The following MAN2A1 variants were observed in gnomAD, a reference collection of about 807,000 sequenced individuals.
MAN2A1 encodes mannosidase alpha class 2A member 1.
Under a neutral mutation model 142.6 loss-of-function variants are expected in MAN2A1, and 76 were observed. The observed-to-expected ratio is 0.53, with a 90% CI of 0.44 to 0.65. MAN2A1 has a LOEUF of 0.65. Ranked by LOEUF, MAN2A1 falls within the 30% of genes least tolerant of loss-of-function variation. The pLI is 0.00. For missense variants in MAN2A1, 1,311 were observed against 1,365.1 expected (o/e 0.96, Z 0.62); for synonymous variants, 559 against 473.2 (o/e 1.18, Z -2.35).
intron 3 of MAN2A1, among the ~76,000 whole-genome samples, chr5:109,723,913 T>C (rs1459791533): frequency 3.3e-5 from 5 of 152,208 alleles, no homozygotes; most frequent in African/African-American, 1.2e-4. Flanking sequence ...CCATGGCATT[T>C]TATTCATATT....
intron 16 of MAN2A1, among the ~76,000 whole-genome samples, chr5:109,824,177 A>G (rs1754701325): frequency 6.6e-6 from 1 of 152,228 alleles, no homozygotes; most frequent in South Asian, 2.1e-4. Flanking sequence ...ACTTTCAGTT[A>G]ATAGACCACA....
At chr5:109,708,976 T>A (rs1751219092) in intron 1 of MAN2A1, among the ~76,000 whole-genome samples, 1 of 152,180 alleles carries the variant, frequency 6.6e-6, no homozygotes, top group South Asian at 2.1e-4. Flanking sequence ...CAGATACACC[T>A]GGGGCAGCTC....
Position 109,846,500 on chromosome 5 carries a change from CA to C in MAN2A1, c.2842+498del, listed in dbSNP as rs1281233864. On this transcript the variant is annotated intron_variant, in intron 18 of 21. Coordinates refer to ENST00000261483, the MANE Select transcript of MAN2A1 (RefSeq NM_002372.4). ...TAAAGAGGTGTGGCTTTGAGGATTC[CA>C]AAAGAGAGAAAGTGATGCGCAGAAA... Among the ~76,000 whole-genome samples the C allele has an allele frequency of 2.6e-5, 4 of 151,944 alleles. No individual in the cohort carries two copies. The East Asian group carries it at 7.7e-4, about 29-fold the overall frequency.
At chr5:109,779,531 C>T (rs1018275204) in intron 8 of MAN2A1, among the ~76,000 whole-genome samples, 8 of 150,210 alleles carry the variant, frequency 5.3e-5, no homozygotes, top group African/African-American at 1.2e-4. Context: ...CTATTCGTGA[C>T]TCATTTCTTT....
rs556807914 is a variant in MAN2A1, at chr5:109,739,555, T to G, written c.707+10042T>G. On this transcript the variant is annotated intron_variant, in intron 4 of 21. Coordinates refer to ENST00000261483, the MANE Select transcript of MAN2A1 (RefSeq NM_002372.4). ...TGAGTCTTTTCTGGCTTTGAGTATTTGGTTCTAACTTTACTTCTGTGCTTT... is the reference window on the plus strand; with the variant it reads ...TGAGTCTTTTCTGGCTTTGAGTATTGGGTTCTAACTTTACTTCTGTGCTTT... 6.6e-5 allele frequency among the ~76,000 whole-genome samples: 10 copies of G among 152,324 alleles called. No homozygotes were observed. The East Asian group carries it at 1.9e-3, about 29-fold the overall frequency.
At chr5:109,820,982 G>C (rs1754607731) in intron 15 of MAN2A1, among the ~76,000 whole-genome samples, 1 of 152,088 alleles carries the variant, frequency 6.6e-6, no homozygotes, top group South Asian at 2.1e-4. Flanking sequence ...TTTTCCACTG[G>C]ACCATTTTTC....
At chr5:109,693,095 G>A (rs1582791427) in intron 1 of MAN2A1, among the ~76,000 whole-genome samples, 2 of 152,134 alleles carry the variant, frequency 1.3e-5, no homozygotes, top group African/African-American at 4.8e-5. Context: ...GTTGCTCTCT[G>A]GTACCTTAGC....
chr5:109,774,675 T>G (rs1488943452), intron 7 of MAN2A1, 113 bp from the exon 8 acceptor site: 2 of 758,380 alleles, frequency 2.6e-6, no homozygotes, highest in Non-Finnish European at 4.2e-6. Flanking sequence ...TACAGTTTCT[T>G]TTAATAAAAT....
chr5:109,799,470 G>T (rs923804828), intron 12 of MAN2A1, among the ~76,000 whole-genome samples: 10 of 152,148 alleles, frequency 6.6e-5, no homozygotes, highest in South Asian at 2.1e-4. Flanking sequence ...AAACAAAAAA[G>T]CAGGCCAGGC....
At chr5:109,850,240 G>C (rs1755451029) in intron 19 of MAN2A1, among the ~76,000 whole-genome samples, 1 of 152,152 alleles carries the variant, frequency 6.6e-6, no homozygotes, top group African/African-American at 2.4e-5. Context: ...GAAATGCATA[G>C]ATGAATGAGC....
intron 20 of MAN2A1, among the ~76,000 whole-genome samples, chr5:109,859,954 A>G (rs1327685889): frequency 1.3e-5 from 2 of 150,374 alleles, no homozygotes; most frequent in Non-Finnish European, 2.9e-5. Context: ...ATATATATAT[A>G]TATCTTAACT....
chr5:109,816,068 A>G (rs1232347584), intron 12 of MAN2A1, among the ~76,000 whole-genome samples: 1 of 152,222 alleles, frequency 6.6e-6, no homozygotes, highest in Non-Finnish European at 1.5e-5. Context: ...GTGATGGTCT[A>G]GAACGTCTCT....
At position 109,755,469 on chromosome 5, in the gene MAN2A1, A is replaced by T. The variant is rs542014884; in HGVS notation, c.835+13A>T. On this transcript the variant is annotated intron_variant, in intron 5 of 21. Coordinates refer to ENST00000261483, the MANE Select transcript of MAN2A1 (RefSeq NM_002372.4). ...GAAAATAATATAGGTATGTATTGGTATATTCTTTATTTGGGCTATTTTGGA... is the reference window on the plus strand; with the variant it reads ...GAAAATAATATAGGTATGTATTGGTTTATTCTTTATTTGGGCTATTTTGGA... The T allele has an allele frequency of 3.7e-6, 6 of 1,602,656 alleles. No homozygotes were observed. The highest frequency in any genetic ancestry group is 5.1e-6 in the Non-Finnish European group (6 of 1,173,466).
intron 1 of MAN2A1, among the ~76,000 whole-genome samples, chr5:109,693,040 A>T (rs1261759095): frequency 6.6e-6 from 1 of 152,142 alleles, no homozygotes; most frequent in South Asian, 2.1e-4. Flanking sequence ...CCTGGTTCCT[A>T]ACAGGTCCAT....
intron 5 of MAN2A1, among the ~76,000 whole-genome samples, chr5:109,757,458 C>T (rs1053047883): frequency 3.3e-5 from 5 of 152,116 alleles, no homozygotes; most frequent in Non-Finnish European, 5.9e-5. Flanking sequence ...GCCAACTGCT[C>T]TTTGATTTCT....
At chr5:109,846,659 T>C (rs1755351572) in intron 18 of MAN2A1, among the ~76,000 whole-genome samples, 1 of 152,066 alleles carries the variant, frequency 6.6e-6, no homozygotes, top group South Asian at 2.1e-4. Context: ...ATTCTAAGAG[T>C]TGGTAGAGAT....
intron 4 of MAN2A1, among the ~76,000 whole-genome samples, chr5:109,740,229 C>G (rs1373918153): frequency 6.6e-6 from 1 of 152,170 alleles, no homozygotes; most frequent in Admixed American, 6.5e-5. Flanking sequence ...ATATGAGAAT[C>G]AGGGATCAGC....
chr5:109,842,547 CT>C, intron 17 of MAN2A1, 86 bp downstream of exon 17: 1 of 859,654 alleles, frequency 1.2e-6, no homozygotes, highest in African/African-American at 1.7e-5. Context: ...ATTTTGGATC[CT>C]TTGAAAAAGT....
chr5:109,755,625 C>T (rs1752668550), intron 5 of MAN2A1, among the ~76,000 whole-genome samples, 169 bp downstream of exon 5: 1 of 152,088 alleles, frequency 6.6e-6, no homozygotes, highest in Non-Finnish European at 1.5e-5. Flanking sequence ...AACTGAGTTA[C>T]AGAGATTTAC....
Sources: gnomAD v4.1 joint callset for allele counts (sites outside exome capture counted in the v4.1 genomes callset) on GRCh38, gnomAD v4.1.1 for gene constraint, MANE v1.5 for transcripts, NCBI Gene and HGNC (gene_info 2026-07-23, HGNC 2026-07-21) for gene names.